The following TJP1 variants were observed in gnomAD, a reference collection of about 807,000 sequenced individuals.
The protein encoded by TJP1 is tight junction protein 1.
Under a neutral mutation model 194.2 loss-of-function variants are expected in TJP1, and 43 were observed. That is an observed-to-expected ratio of 0.22 (90% CI 0.17 to 0.29). TJP1 has a LOEUF of 0.29. Among genes scored for constraint, TJP1 ranks in the 10% least tolerant of loss-of-function variants. The probability of loss-of-function intolerance (pLI) is 1.00; values close to 1 mark genes in which losing one functional copy is unlikely to be tolerated. For synonymous variants in TJP1, 801 were observed against 779.0 expected (o/e 1.03, Z -0.47); for missense variants, 1,971 against 2,185.7 (o/e 0.90, Z 1.96).
At chr15:29,817,140 G>C (rs2049981672) in intron 1 of TJP1, among the ~76,000 whole-genome samples, 1 of 152,074 alleles carries the variant, frequency 6.6e-6, no homozygotes, top group Non-Finnish European at 1.5e-5. Flanking sequence ...CAAAAACTGG[G>C]CAAAGAATAT....
At position 29,805,008 on chromosome 15, in the gene TJP1, T is replaced by C. The variant is rs138574536; in HGVS notation, c.28-4306A>G. Among the ~76,000 whole-genome samples the C allele has an allele frequency of 7.8e-4, 119 of 152,304 alleles. 1 individual carries two copies. The East Asian group carries it at 0.02, about 26-fold the overall frequency. ...AAATTATCTCAAATGAAAAGACTTT[T>C]CTAGCTCCAAAATTCTATCAGACTA... On this transcript the variant is annotated intron_variant, in intron 1 of 27. Coordinates refer to ENST00000614355, the MANE Select transcript of TJP1 (RefSeq NM_001330239.4).
At chr15:29,835,179 G>A (rs1245133816) in intron 2 of TJP1, among the ~76,000 whole-genome samples, 1 of 152,158 alleles carries the variant, frequency 6.6e-6, no homozygotes, top group Non-Finnish European at 1.5e-5. Flanking sequence ...GCCAATGTGA[G>A]ATGTGGTTAT....
At chr15:29,809,196 T>C (rs2049319788) in intron 1 of TJP1, among the ~76,000 whole-genome samples, 1 of 152,226 alleles carries the variant, frequency 6.6e-6, no homozygotes, top group Admixed American at 6.5e-5. Flanking sequence ...TTTATATCAT[T>C]GCATGCTAAA....
chr15:29,720,011 T>C lies in TJP1; in HGVS notation c.2769A>G (p.Ala923=), dbSNP rs766670161. ...GGTAAGGGACTGGAGATGAAGCTTC[T>C]GCTTTCTGTGAAGTGTTTAAAATAT... is the stretch of plus-strand genomic sequence containing the variant. ...PGFKPASQQK[A]EASSPVPYLS... The change falls in exon 20 of 28, where the codon GCA becomes GCG. Residue 923 remains alanine (A), a synonymous_variant. Coordinates refer to ENST00000614355, the MANE Select transcript of TJP1 (RefSeq NM_001330239.4). The C allele has an allele frequency of 2.5e-6, 4 of 1,603,430 alleles. No individual in the cohort carries two copies. The African/African-American group carries it at 4.0e-5, about 16-fold the overall frequency.
At chr15:29,964,462 G>A (rs965951915) in intron 1 of TJP1, among the ~76,000 whole-genome samples, 3 of 152,108 alleles carry the variant, frequency 2.0e-5, no homozygotes. Flanking sequence ...CACAGAGAAG[G>A]TCATGTGAAG....
At chr15:29,780,458 G>C (rs1236350697) in intron 2 of TJP1, among the ~76,000 whole-genome samples, 1 of 152,084 alleles carries the variant, frequency 6.6e-6, no homozygotes, top group Non-Finnish European at 1.5e-5. Flanking sequence ...TGAGAGCAAT[G>C]GGGGGTGGCT....
intron 4 of TJP1, among the ~76,000 whole-genome samples, chr15:29,767,860 C>T (rs1566985637): frequency 1.3e-5 from 2 of 152,112 alleles, no homozygotes; most frequent in African/African-American, 2.4e-5. Context: ...CCTGGATGAA[C>T]AAAACCCTTG....
At chr15:29,754,838 G>T (rs894622159) in intron 8 of TJP1, among the ~76,000 whole-genome samples, 1 of 152,166 alleles carries the variant, frequency 6.6e-6, no homozygotes, top group African/African-American at 2.4e-5. Flanking sequence ...TGCACTTTCA[G>T]ATTACCTACG....
chr15:29,800,788 C>A, intron 1 of TJP1, 86 bp from the exon 2 acceptor site: 2 of 1,271,006 alleles, frequency 1.6e-6, no homozygotes, highest in Non-Finnish European at 2.2e-6. Context: ...CAATTCAGCA[C>A]ACTGAAATAC....
chr15:29,781,332 A>C (rs923513795), intron 2 of TJP1, among the ~76,000 whole-genome samples: 4 of 152,200 alleles, frequency 2.6e-5, no homozygotes, highest in African/African-American at 9.7e-5. Flanking sequence ...AGTAGTAAAT[A>C]GCCTACCAAC....
chr15:29,770,989 G>A (rs1464300980), intron 4 of TJP1, among the ~76,000 whole-genome samples: 2 of 152,070 alleles, frequency 1.3e-5, no homozygotes, highest in Non-Finnish European at 2.9e-5. Context: ...CCACTCACTC[G>A]CTGACTCACT....
chr15:29,706,582 T>G (rs1444935100), intron 25 of TJP1, among the ~76,000 whole-genome samples: 5 of 152,322 alleles, frequency 3.3e-5, no homozygotes, highest in African/African-American at 1.2e-4. Context: ...GTACAGAGTT[T>G]TATGAAGCAC....
chr15:29,902,605 T>C (rs1349698208), intron 2 of TJP1, among the ~76,000 whole-genome samples: 2 of 152,196 alleles, frequency 1.3e-5, no homozygotes, highest in African/African-American at 4.8e-5. Flanking sequence ...ATTTAATAAA[T>C]TGCACTAAGG....
chr15:29,850,210 G>A (rs2051587552), intron 2 of TJP1, among the ~76,000 whole-genome samples: 1 of 152,172 alleles, frequency 6.6e-6, no homozygotes, highest in Non-Finnish European at 1.5e-5. Flanking sequence ...TCTGGCTGAC[G>A]TCTTGACTGC....
intron 8 of TJP1, among the ~76,000 whole-genome samples, chr15:29,744,069 C>T (rs543470766): frequency 6.6e-6 from 1 of 152,222 alleles, no homozygotes; most frequent in African/African-American, 2.4e-5. Context: ...GTCCCAGCTA[C>T]TCGTGAGGCT....
At chr15:29,876,581 G>GT (rs2052709898) in intron 2 of TJP1, among the ~76,000 whole-genome samples, 1 of 152,148 alleles carries the variant, frequency 6.6e-6, no homozygotes, top group African/African-American at 2.4e-5. Context: ...TATCATTAGT[G>GT]TTAGTGTATT....
At chr15:29,778,360 T>A (rs1293820246) in intron 2 of TJP1, among the ~76,000 whole-genome samples, 1 of 152,032 alleles carries the variant, frequency 6.6e-6, no homozygotes, top group Non-Finnish European at 1.5e-5. Flanking sequence ...CCCCAGGTGA[T>A]TCTAATGAGC....
Position 29,705,441 on chromosome 15 carries a change from A to T in TJP1, c.5068+87T>A, listed in dbSNP as rs45536039. The T allele has an allele frequency of 1.4e-4, 193 of 1,348,440 alleles. No homozygotes were observed. In the African/African-American group the frequency reaches 2.4e-3, roughly 17 times the overall value. 83.5% of individuals were successfully genotyped at this position (1,348,440 alleles called of 1,614,324 possible). A position where few individuals can be genotyped will look rare whatever the true frequency, so the allele number is the denominator to read the frequency against. ...TCATCTGGAGATAGAGAGGTGCTGCATTATTAGCCAAGCACTATAAGCTCT... is the reference window on the plus strand; with the variant it reads ...TCATCTGGAGATAGAGAGGTGCTGCTTTATTAGCCAAGCACTATAAGCTCT... On this transcript the variant is annotated intron_variant, in intron 26 of 27. Coordinates refer to ENST00000614355, the MANE Select transcript of TJP1 (RefSeq NM_001330239.4).
intron 2 of TJP1, among the ~76,000 whole-genome samples, chr15:29,843,186 C>CTTTTT (rs544307311): frequency 2.9e-5 from 2 of 69,430 alleles, no homozygotes. Context: ...TTTTTCTTTT[C>CTTTTT]TTTTTTTTTT....
Sources: allele counts gnomAD v4.1 joint callset (sites outside exome capture counted in the v4.1 genomes callset), GRCh38; gene constraint gnomAD v4.1.1; transcripts MANE v1.5; gene names NCBI Gene and HGNC (gene_info 2026-07-23, HGNC 2026-07-21).